JAKMIP1: variants seen among roughly 807,000 people sequenced by gnomAD.
The protein encoded by JAKMIP1 is janus kinase and microtubule-interacting protein 1.
Under a neutral mutation model 113.0 loss-of-function variants are expected in JAKMIP1, and 33 were observed. The observed-to-expected ratio is 0.29, with a 90% CI of 0.22 to 0.39. The LOEUF is 0.39. Among genes scored for constraint, JAKMIP1 ranks in the 10% least tolerant of loss-of-function variants. The pLI is 1.00. For synonymous variants in JAKMIP1, 480 were observed against 459.9 expected (o/e 1.04, Z -0.56); for missense variants, 813 against 1,080.5 (o/e 0.75, Z 3.47).
chr4:6,112,438 T>G (rs938275883), intron 2 of JAKMIP1, among the ~76,000 whole-genome samples: 3 of 152,198 alleles, frequency 2.0e-5, no homozygotes, highest in African/African-American at 7.2e-5. Context: ...CTAAACTGAA[T>G]TTGTCAAACA....
chr4:6,046,331 CCA>C (rs1714993616), intron 16 of JAKMIP1, among the ~76,000 whole-genome samples: 1 of 152,244 alleles, frequency 6.6e-6, no homozygotes, highest in South Asian at 2.1e-4. Context: ...GGACCTTTAT[CCA>C]CAGACAAATG....
intron 8 of JAKMIP1, 73 bp downstream of exon 8, chr4:6,078,866 C>T (rs1345569603): frequency 9.3e-6 from 14 of 1,500,632 alleles, no homozygotes; most frequent in Non-Finnish European, 1.2e-5. Flanking sequence ...AACCTCCCCA[C>T]TCCACGACCC....
chr4:6,093,384 G>T lies in JAKMIP1; in HGVS notation c.625-7755C>A, dbSNP rs896161403. Among the ~76,000 whole-genome samples the T allele has an allele frequency of 6.6e-6, 1 of 152,188 alleles. No homozygotes were observed. The highest frequency in any genetic ancestry group is 2.4e-5 in the African/African-American group (1 of 41,446). Reference sequence around the variant, plus strand: ...TATTCAACTGAGGGGGAGCTCTCCTGCCCAGGGCTATATGTGTTCTTGGGC... The same window carrying T: ...TATTCAACTGAGGGGGAGCTCTCCTTCCCAGGGCTATATGTGTTCTTGGGC... On this transcript the variant is annotated intron_variant, in intron 3 of 20. Transcript: ENST00000409021. This position sits in a 1 kb window ranked among gnomAD's most constrained non-coding sequence, Gnocchi z 4.6.
At chr4:6,092,453 C>T (rs1466301492) in intron 3 of JAKMIP1, among the ~76,000 whole-genome samples, 6 of 152,262 alleles carry the variant, frequency 3.9e-5, no homozygotes, top group Admixed American at 3.3e-4. Flanking sequence ...CTCCCCATGG[C>T]CACACCCCCT....
chr4:6,193,484 A>T lies in JAKMIP1; in HGVS notation c.-148+6769T>A, dbSNP rs1338028274. 6.6e-6 allele frequency among the ~76,000 whole-genome samples: 1 copy of T among 152,208 alleles called. No homozygotes were observed. The highest frequency in any genetic ancestry group is 1.5e-5 in the Non-Finnish European group (1 of 68,028). On this transcript the variant is annotated intron_variant, in intron 1 of 20. Transcript: ENST00000409021. This position sits in a 1 kb window ranked among gnomAD's most constrained non-coding sequence, Gnocchi z 6.4. ...AAAAGAAGCCAGTCTGGGCCAGGGT[A>T]GGGATGAACATTCCAGGCAGCAAGC...
At chr4:6,039,374 C>T (rs531444074) in intron 18 of JAKMIP1, among the ~76,000 whole-genome samples, 167 of 152,312 alleles carry the variant, frequency 1.1e-3, no homozygotes, top group African/African-American at 3.8e-3. Flanking sequence ...CCCTTTAGCA[C>T]GCTAAGACCC....
intron 20 of JAKMIP1, among the ~76,000 whole-genome samples, chr4:6,027,963 A>G (rs1045147151): frequency 2.0e-5 from 3 of 152,164 alleles, no homozygotes; most frequent in Non-Finnish European, 4.4e-5. Flanking sequence ...GCCAGTCCAC[A>G]CGCCTTGCCT....
At chr4:6,133,633 C>G (rs1191114850) in intron 1 of JAKMIP1, among the ~76,000 whole-genome samples, 1 of 152,150 alleles carries the variant, frequency 6.6e-6, no homozygotes, top group African/African-American at 2.4e-5. Context: ...CATTGTTTTA[C>G]CAAGTTTCTT....
intron 1 of JAKMIP1, among the ~76,000 whole-genome samples, chr4:6,121,421 C>A (rs1234687503): frequency 6.6e-6 from 1 of 152,210 alleles, no homozygotes; most frequent in African/African-American, 2.4e-5. Flanking sequence ...CTCTTGCCTT[C>A]AACTTCCCTC....
At chr4:6,119,259 TG>T (rs995137338) in intron 1 of JAKMIP1, among the ~76,000 whole-genome samples, 16 of 152,242 alleles carry the variant, frequency 1.1e-4, no homozygotes, top group Admixed American at 9.8e-4. Context: ...AAACCACTCC[TG>T]GGGCCGGGCG....
intron 3 of JAKMIP1, among the ~76,000 whole-genome samples, chr4:6,091,062 G>A (rs1403412510): frequency 6.6e-6 from 1 of 152,206 alleles, no homozygotes; most frequent in Non-Finnish European, 1.5e-5. Flanking sequence ...CAAGCCAGCT[G>A]ACAAAGAAAT....
rs532625184 is a variant in JAKMIP1 at position 6,124,193 on chromosome 4, C to T, written c.-147-11196G>A. Among the ~76,000 whole-genome samples, 5 of 152,332 alleles carry T rather than the reference C, an allele frequency of 3.3e-5. No individual in the cohort carries two copies. In the South Asian group the frequency reaches 6.2e-4, roughly 19 times the overall value. ...GGGGTGGGCCGTGCGGACGGCACCA[C>T]GTGGAACGAGGGCTGGCGACCATTG... On this transcript the variant is annotated intron_variant, in intron 1 of 20. Transcript: ENST00000409021.
chr4:6,036,879 T>G (rs1388625046), intron 18 of JAKMIP1, among the ~76,000 whole-genome samples: 1 of 151,808 alleles, frequency 6.6e-6, no homozygotes, highest in African/African-American at 2.4e-5. Context: ...ACCATGAGTT[T>G]CAATAGAAAC....
At position 6,167,882 on chromosome 4, in the gene JAKMIP1, TAGGACCAGTC is replaced by T. The variant is rs1297974239; in HGVS notation, c.-148+32361_-148+32370del. On this transcript the variant is annotated intron_variant, in intron 1 of 20. Transcript: ENST00000409021. The surrounding 1 kb of genome is among the most constrained non-coding windows in gnomAD (Gnocchi z 5.3). ...GAGCATGCCAGAAATCAGAGCTGGC[TAGGACCAGTC>T]AGGCTGACTGCGCCAGATCGCTGCA... Among the ~76,000 whole-genome samples, 1 of 152,234 alleles carries T rather than the reference TAGGACCAGTC, an allele frequency of 6.6e-6. No homozygotes were observed. Among genetic ancestry groups the T allele is most frequent in the East Asian group, 1.9e-4 (1 of 5,200 alleles).
In JAKMIP1 at chr4:6,088,145, A is replaced by T. The variant is rs997145049; in HGVS notation, c.625-2516T>A. 6.6e-6 allele frequency among the ~76,000 whole-genome samples: 1 copy of T among 152,230 alleles called. No individual in the cohort carries two copies. The highest frequency in any genetic ancestry group is 1.9e-4 in the East Asian group (1 of 5,190). On this transcript the variant is annotated intron_variant, in intron 3 of 20. Transcript: ENST00000409021. This position sits in a 1 kb window ranked among gnomAD's most constrained non-coding sequence, Gnocchi z 5.5. ...GCGCTATCAGTGGGTGCTGAGAAACATTAGAGAGCAAAAGAGACCAGCCGC... is the reference window on the plus strand; with the variant it reads ...GCGCTATCAGTGGGTGCTGAGAAACTTTAGAGAGCAAAAGAGACCAGCCGC...
At chr4:6,128,798 C>G (rs1718102594) in intron 1 of JAKMIP1, among the ~76,000 whole-genome samples, 1 of 152,174 alleles carries the variant, frequency 6.6e-6, no homozygotes, top group African/African-American at 2.4e-5. Flanking sequence ...CCCTCCTCCT[C>G]CTAGCCACCC....
chr4:6,154,700 C>T lies in JAKMIP1; in HGVS notation c.-147-41703G>A, dbSNP rs1263891617. On this transcript the variant is annotated intron_variant, in intron 1 of 20. Coordinates refer to ENST00000409021, the MANE Select transcript of JAKMIP1 (RefSeq NM_001099433.2). The surrounding 1 kb of genome is among the most constrained non-coding windows in gnomAD (Gnocchi z 4.2). ...TTCTTTTCAATCCGGCCCGCTGAAC[C>T]CCTCTTTCAGTTTACTTACTACCCA... Among the ~76,000 whole-genome samples the T allele has an allele frequency of 1.3e-5, 2 of 152,048 alleles. No individual in the cohort carries two copies. The highest frequency in any genetic ancestry group is 1.9e-4 in the East Asian group (1 of 5,178).
Position 6,138,656 on chromosome 4 carries a change from G to GC in JAKMIP1, c.-147-25660dup, listed in dbSNP as rs1719615503. ...ACCCTCCACACACCTACATCCACTG[G>GC]CAGAACTTCACGTTCTAGAACCACG... On this transcript the variant is annotated intron_variant, in intron 1 of 20. Transcript: ENST00000409021. The surrounding 1 kb of genome is among the most constrained non-coding windows in gnomAD (Gnocchi z 6.0). 6.6e-6 allele frequency among the ~76,000 whole-genome samples: 1 copy of GC among 152,212 alleles called. No homozygotes were observed. The highest frequency in any genetic ancestry group is 2.4e-5 in the African/African-American group (1 of 41,486).
In JAKMIP1 at chr4:6,142,210, T is replaced by C. The variant is rs1006519334; in HGVS notation, c.-147-29213A>G. Among the ~76,000 whole-genome samples, 1 of 152,344 alleles carries C rather than the reference T, an allele frequency of 6.6e-6. No homozygotes were observed. The highest frequency in any genetic ancestry group is 2.4e-5 in the African/African-American group (1 of 41,568). On this transcript the variant is annotated intron_variant, in intron 1 of 20. Coordinates refer to ENST00000409021, the MANE Select transcript of JAKMIP1 (RefSeq NM_001099433.2). This position sits in a 1 kb window ranked among gnomAD's most constrained non-coding sequence, Gnocchi z 5.5. ...CTGGATTTAGGGACACTTTGGTTAT[T>C]TCTGAGGATTTTGTACAGATTTAGA...
Sources: gnomAD v4.1 joint callset for allele counts (sites outside exome capture counted in the v4.1 genomes callset) on GRCh38, gnomAD v4.1.1 for gene constraint, Gnocchi (gnomAD v3.1) non-coding constraint, MANE v1.5 for transcripts, NCBI Gene and HGNC (gene_info 2026-07-23, HGNC 2026-07-21) for gene names.